Variants in BCAR3 observed in about 807,000 individuals in gnomAD.
The protein encoded by BCAR3 is BCAR3 adaptor protein, NSP family member, also known as breast cancer anti-estrogen resistance protein 3.
Under a neutral mutation model 80.1 loss-of-function variants are expected in BCAR3, and 37 were observed. That is an observed-to-expected ratio of 0.46 (90% confidence interval 0.36 to 0.61). The LOEUF (loss-of-function observed/expected upper bound fraction) is 0.61, where lower values mean the gene tolerates loss of function less well. Ranked by LOEUF, BCAR3 falls within the 20% of genes least tolerant of loss-of-function variation. The pLI, the probability that BCAR3 is intolerant of heterozygous loss-of-function variation, is 0.00. For synonymous variants in BCAR3, 389 were observed against 418.9 expected (o/e 0.93, Z 0.87); for missense variants, 978 against 1,068.2 (o/e 0.92, Z 1.18).
intron 2 of BCAR3, among the ~76,000 whole-genome samples, chr1:93,672,748 G>A (rs942330499): frequency 5.9e-5 from 9 of 152,184 alleles, no homozygotes; most frequent in South Asian, 4.2e-4. Flanking sequence ...CTAACCCCCA[G>A]GATACCCCAA....
chr1:93,779,544 C>A (rs1314550512), intron 2 of BCAR3, among the ~76,000 whole-genome samples: 1 of 152,018 alleles, frequency 6.6e-6, no homozygotes, highest in African/African-American at 2.4e-5. Flanking sequence ...CAGAGAAGAC[C>A]CCTCTTTGAG....
At chr1:93,567,030 A>G (rs1672980534) in intron 11 of BCAR3, among the ~76,000 whole-genome samples, 1 of 152,056 alleles carries the variant, frequency 6.6e-6, no homozygotes, top group Non-Finnish European at 1.5e-5. Flanking sequence ...GCCCGGCCCC[A>G]GTTCTTTCTT....
intron 2 of BCAR3, among the ~76,000 whole-genome samples, chr1:93,809,796 AT>A (rs1653770139): frequency 6.6e-6 from 1 of 150,528 alleles, no homozygotes. Context: ...AAAAAAAAAA[AT>A]CATTGAAGAC....
chr1:93,703,559 T>C (rs904037568), intron 3 of BCAR3, among the ~76,000 whole-genome samples: 3 of 108,744 alleles, frequency 2.8e-5, no homozygotes, highest in African/African-American at 9.9e-5. Context: ...AGCAAAACCC[T>C]GTCTCTTAAA....
intron 3 of BCAR3, chr1:93,594,716 G>A (rs1370912341): frequency 1.3e-5 from 2 of 152,268 alleles, no homozygotes. Context: ...GCTGCACCCT[G>A]GGCCCACTTC....
chr1:93,661,079 G>T (rs1359100035), intron 2 of BCAR3, among the ~76,000 whole-genome samples: 2 of 151,176 alleles, frequency 1.3e-5, no homozygotes, highest in African/African-American at 4.9e-5. Flanking sequence ...TGCTCTTGTT[G>T]CCCAGGCTGG....
intron 2 of BCAR3, among the ~76,000 whole-genome samples, chr1:93,725,581 TG>T (rs1650551811): frequency 6.6e-6 from 1 of 152,246 alleles, no homozygotes; most frequent in Non-Finnish European, 1.5e-5. Context: ...GTTTGGGGTT[TG>T]TTTTTTCTAT....
Position 93,571,743 on chromosome 1 carries a change from G to A in BCAR3, c.1901C>T (p.Ala634Val), listed in dbSNP as rs759525792. ...CCCCATGGAATCCTTCAGTTCCACC[G>A]CCACCTGGATGATCTTACTCAGAGT... ...AATLSKIIQV[A>V]VELKDSMGDL... Residue 634 changes from alanine (A) to valine (V), a missense_variant, in exon 9 of 12, where the codon GCG (alanine) becomes GTG (valine). Coordinates refer to ENST00000260502, the MANE Select transcript of BCAR3 (RefSeq NM_003567.4). 2.5e-6 allele frequency: 4 copies of A among 1,613,994 alleles called. No individual in the cohort carries two copies. The highest frequency in any genetic ancestry group is 1.3e-5 in the African/African-American group (1 of 74,908).
In BCAR3 at chr1:93,674,296, C is replaced by T. The variant is rs528171302; in HGVS notation, c.317+318G>A. On this transcript the variant is annotated intron_variant, in intron 2 of 11. Transcript: ENST00000260502. ...AAAACTTCGGAGTCTCACTCTGTTG[C>T]CCAGGCTGGAGTGCAGTGGAGCGAT... Among the ~76,000 whole-genome samples, 9 of 152,304 alleles carry T rather than the reference C, an allele frequency of 5.9e-5. No homozygotes were observed. The South Asian group carries it at 1.9e-3, about 32-fold the overall frequency.
chr1:93,777,396 T>C lies in BCAR3; in HGVS notation c.-63+68171A>G, dbSNP rs777289637. On this transcript the variant is annotated intron_variant, in intron 2 of 13. Transcript: ENST00000370244. The stretch of plus-strand genomic sequence containing the variant: ...CTTCCTCCTCTTCTTCTTCCTCTTC[T>C]TCCTCTTCCTCCTCCTCTTCCTCCT... Among the ~76,000 whole-genome samples the C allele has an allele frequency of 1.4e-3, 173 of 122,924 alleles. 3 individuals carry two copies. Among genetic ancestry groups the C allele is most frequent in the African/African-American group, 5.5e-3 (146 of 26,576 alleles). 80.6% of individuals were successfully genotyped at this position (122,924 alleles called of 152,430 possible). A position where few individuals can be genotyped will look rare whatever the true frequency, so the allele number is the denominator to read the frequency against.
chr1:93,614,621 C>T (rs1441365277), intron 3 of BCAR3, among the ~76,000 whole-genome samples: 1 of 152,164 alleles, frequency 6.6e-6, no homozygotes, highest in Admixed American at 6.5e-5. Context: ...AACGTTGGCA[C>T]AGCCATCACT....
At chr1:93,692,806 G>A (rs950597131) in intron 3 of BCAR3, among the ~76,000 whole-genome samples, 1 of 152,178 alleles carries the variant, frequency 6.6e-6, no homozygotes, top group Non-Finnish European at 1.5e-5. Context: ...CTTAAGAGAA[G>A]CAAGCAAGCT....
intron 3 of BCAR3, among the ~76,000 whole-genome samples, chr1:93,640,026 T>A (rs1675929405): frequency 6.6e-6 from 1 of 152,084 alleles, no homozygotes; most frequent in Non-Finnish European, 1.5e-5. Context: ...ATAATTCACA[T>A]AGAACTACTT....
intron 3 of BCAR3, among the ~76,000 whole-genome samples, chr1:93,688,847 G>A (rs1266536519): frequency 2.0e-5 from 3 of 152,032 alleles, no homozygotes; most frequent in African/African-American, 4.8e-5. Flanking sequence ...ACGTTGGCCA[G>A]GCTGCTCTCA....
intron 2 of BCAR3, among the ~76,000 whole-genome samples, chr1:93,674,042 G>A (rs1015283708): frequency 2.0e-5 from 3 of 152,144 alleles, no homozygotes; most frequent in African/African-American, 7.2e-5. Context: ...TGGTTATACA[G>A]TTTTTAAAAT....
chr1:93,661,211 A>G (rs1401832235), intron 2 of BCAR3, among the ~76,000 whole-genome samples: 1 of 151,830 alleles, frequency 6.6e-6, no homozygotes, highest in Non-Finnish European at 1.5e-5. Context: ...TGCTAATTTT[A>G]TAGTTTTAGT....
chr1:93,753,372 A>G (rs1651630714), intron 2 of BCAR3: 1 of 152,170 alleles, frequency 6.6e-6, no homozygotes, highest in Admixed American at 6.5e-5. Context: ...ATATTGTTGG[A>G]TGGGATGTCT....
chr1:93,770,240 GA>G (rs1378546872), intron 2 of BCAR3, among the ~76,000 whole-genome samples: 1 of 152,132 alleles, frequency 6.6e-6, no homozygotes, highest in Non-Finnish European at 1.5e-5. Flanking sequence ...GCTGCTGGGG[GA>G]GTGCCCTGCC....
At chr1:93,666,407 C>T (rs942424263) in intron 2 of BCAR3, among the ~76,000 whole-genome samples, 10 of 152,146 alleles carry the variant, frequency 6.6e-5, no homozygotes, top group South Asian at 4.1e-4. Context: ...TCTTCAAATT[C>T]CCATGCCAGA....
Sources: gnomAD v4.1 joint callset for allele counts (sites outside exome capture counted in the v4.1 genomes callset) on GRCh38, gnomAD v4.1.1 for gene constraint, MANE v1.5 for transcripts, NCBI Gene and HGNC (gene_info 2026-07-23, HGNC 2026-07-21) for gene names.